Variants in CA12 observed in about 807,000 individuals in gnomAD.
CA12 encodes the protein carbonic anhydrase 12.
Under a neutral mutation model 46.8 loss-of-function variants are expected in CA12, and 36 were observed. The observed-to-expected ratio is 0.77, with a 90% CI of 0.59 to 1.02. The LOEUF is 1.02. Ranked by LOEUF, CA12 falls within the 50% of genes least tolerant of loss-of-function variation. The pLI is 0.00. For missense variants in CA12, 436 were observed against 451.4 expected (o/e 0.97, Z 0.31); for synonymous variants, 202 against 187.0 (o/e 1.08, Z -0.65).
rs1042886647 is a variant in CA12, at chr15:63,329,883, C to T, written c.875-1753G>A. ...AGCTGATTCCCCAGGAGCCATCAGC[C>T]GTGTGCTTTTCCGATTGTCTTTTTC... On this transcript the variant is annotated intron_variant, in intron 8 of 10. Coordinates refer to ENST00000178638, the MANE Select transcript of CA12 (RefSeq NM_001218.5). The surrounding 1 kb of genome is among the most constrained non-coding windows in gnomAD (Gnocchi z 4.8). 2.6e-5 allele frequency among the ~76,000 whole-genome samples: 4 copies of T among 152,212 alleles called. No individual in the cohort carries two copies. The highest frequency in any genetic ancestry group is 6.5e-5 in the Admixed American group (1 of 15,286).
At position 63,340,829 on chromosome 15, in the gene CA12, G is replaced by C. The variant is rs757427796; in HGVS notation, c.526-46C>G. 6.4e-7 allele frequency: 1 copy of C among 1,553,804 alleles called. No individual in the cohort carries two copies. The highest frequency in any genetic ancestry group is 1.1e-5 in the South Asian group (1 of 89,862). On this transcript the variant is annotated intron_variant, in intron 5 of 10. Coordinates refer to ENST00000178638, the MANE Select transcript of CA12 (RefSeq NM_001218.5). This position sits in a 1 kb window ranked among gnomAD's most constrained non-coding sequence, Gnocchi z 4.4. ...GTTAAACTGGGACAGAACAGGATAG[G>C]CTGAGCCAGGATTGACGATTGCTAT...
intron 2 of CA12, among the ~76,000 whole-genome samples, chr15:63,365,553 C>T (rs947860103): frequency 1.2e-4 from 19 of 152,230 alleles, no homozygotes; most frequent in African/African-American, 4.6e-4. Flanking sequence ...TAAGCAATAA[C>T]GGCTGTCTGG....
rs2039608544 is a variant in CA12 at position 63,378,750 on chromosome 15, A to G, written c.85+2886T>C. Reference sequence around the variant, plus strand: ...CCTTAGAGATATAATAAGCCAGATCATTACCTCTTAGCAGGCAGAACAGTT... The same window carrying G: ...CCTTAGAGATATAATAAGCCAGATCGTTACCTCTTAGCAGGCAGAACAGTT... On this transcript the variant is annotated intron_variant, in intron 1 of 10. Transcript: ENST00000178638. The surrounding 1 kb of genome is among the most constrained non-coding windows in gnomAD (Gnocchi z 4.8). 6.6e-6 allele frequency: 1 copy of G among 152,254 alleles called. No homozygotes were observed. The highest frequency in any genetic ancestry group is 2.1e-4 in the South Asian group (1 of 4,832). 9.4% of individuals were successfully genotyped at this position (152,254 alleles called of 1,614,324 possible).
chr15:63,340,259 A>G lies in CA12; in HGVS notation c.747+29T>C. ...TGATGGGGACTGAGGTGCCGCGTGGACTCTGGCTGAGTCTGGCACGACAGT... is the reference window on the plus strand; with the variant it reads ...TGATGGGGACTGAGGTGCCGCGTGGGCTCTGGCTGAGTCTGGCACGACAGT... On this transcript the variant is annotated intron_variant, in intron 7 of 10. Transcript: ENST00000178638. The surrounding 1 kb of genome is among the most constrained non-coding windows in gnomAD (Gnocchi z 4.4). 3.1e-6 allele frequency: 5 copies of G among 1,613,744 alleles called. No individual in the cohort carries two copies. The highest frequency in any genetic ancestry group is 4.2e-6 in the Non-Finnish European group (5 of 1,179,770).
intron 2 of CA12, among the ~76,000 whole-genome samples, chr15:63,350,602 A>G (rs115247895): frequency 2.4e-3 from 367 of 152,316 alleles, no homozygotes; most frequent in African/African-American, 8.6e-3. Context: ...TTCCTGCTCT[A>G]GGCAAAACAG....
rs200984177 is a variant in CA12, at chr15:63,328,710, G to GT, written c.875-581dup. ...AGTTTTTGTTTGTTTGTTTGTTTGT[G>GT]TTTTTTTTGAGACAGAGTCTCGCTC... is the stretch of plus-strand genomic sequence containing the variant. On this transcript the variant is annotated intron_variant, in intron 8 of 10. Coordinates refer to ENST00000178638, the MANE Select transcript of CA12 (RefSeq NM_001218.5). This position sits in a 1 kb window ranked among gnomAD's most constrained non-coding sequence, Gnocchi z 5.9. 1.6e-3 allele frequency among the ~76,000 whole-genome samples: 239 copies of GT among 151,090 alleles called. 1 individual carries two copies. Among genetic ancestry groups the GT allele is most frequent in the Admixed American group, 3.3e-3 (50 of 15,176 alleles).
intron 2 of CA12, among the ~76,000 whole-genome samples, chr15:63,351,774 A>G (rs534297956): frequency 6.6e-6 from 1 of 152,320 alleles, no homozygotes; most frequent in South Asian, 2.1e-4. Flanking sequence ...GGTTGTGCAC[A>G]CTAGCAAGCA....
At chr15:63,360,474 T>C (rs1204715437) in intron 2 of CA12, among the ~76,000 whole-genome samples, 1 of 152,190 alleles carries the variant, frequency 6.6e-6, no homozygotes, top group African/African-American at 2.4e-5. Flanking sequence ...ACAAAACCTG[T>C]CTAGTGTCTC....
intron 2 of CA12, among the ~76,000 whole-genome samples, chr15:63,357,921 T>C (rs958852502): frequency 6.6e-6 from 1 of 152,190 alleles, no homozygotes; most frequent in Admixed American, 6.5e-5. Context: ...AATCATACAA[T>C]ATGTGGTCAA....
rs1210436032 is a variant in CA12, at chr15:63,345,499, C to T, written c.407G>A (p.Ser136Asn). 1.2e-6 allele frequency: 2 copies of T among 1,610,468 alleles called. No homozygotes were observed. Among genetic ancestry groups the T allele is most frequent in the Non-Finnish European group, 8.5e-7 (1 of 1,179,996 alleles). The change falls in exon 4 of 11, where the codon AGC becomes AAC. Residue 136 changes from serine (S) to asparagine (N), a missense_variant. Physicochemically the swap from Ser to Asn is conservative, Grantham distance 46. Transcript: ENST00000178638. The surrounding 1 kb of genome is among the most constrained non-coding windows in gnomAD (Gnocchi z 4.3). ...TACCTCGGCGGCGAAGTGCTGTCCG[C>T]TGACGGTGTGCTCAGAGCCGTGCGG... Reference protein sequence around the residue: ...NDPHGSEHTVSGQHFAAELHI... With the variant: ...NDPHGSEHTVNGQHFAAELHI...
intron 4 of CA12, among the ~76,000 whole-genome samples, chr15:63,343,195 A>G (rs1567044916): frequency 6.7e-6 from 1 of 149,896 alleles, no homozygotes; most frequent in Non-Finnish European, 1.5e-5. Flanking sequence ...GTTTGTCTGT[A>G]CTTTTCTTAT....
intron 2 of CA12, among the ~76,000 whole-genome samples, chr15:63,371,802 CT>C (rs1398129398): frequency 2.0e-5 from 3 of 151,942 alleles, no homozygotes; most frequent in Admixed American, 1.3e-4. Flanking sequence ...TACAGTCATT[CT>C]TTCTGGTTGC....
At position 63,340,332 on chromosome 15, in the gene CA12, G is replaced by A. The variant is rs2039060515; in HGVS notation, c.703C>T (p.Leu235Phe). 3 of 1,614,082 alleles carry A rather than the reference G, an allele frequency of 1.9e-6. No individual in the cohort carries two copies. Among genetic ancestry groups the A allele is most frequent in the Admixed American group, 3.3e-5 (2 of 60,008 alleles). Residue 235 changes from leucine (L) to phenylalanine (F), a missense_variant, in exon 7 of 11, where the codon CTC (leucine) becomes TTC (phenylalanine). Coordinates refer to ENST00000178638, the MANE Select transcript of CA12 (RefSeq NM_001218.5). This position sits in a 1 kb window ranked among gnomAD's most constrained non-coding sequence, Gnocchi z 4.4. ...LTTPPCNPTV[L>F]WTVFRNPVQI... ...ACGGGGTTTCGGAAAACTGTCCAGAGCACAGTGGGGTTGCAAGGGGGTGTG... is the reference window on the plus strand; with the variant it reads ...ACGGGGTTTCGGAAAACTGTCCAGAACACAGTGGGGTTGCAAGGGGGTGTG...
At chr15:63,367,053 C>G (rs571044844) in intron 2 of CA12, among the ~76,000 whole-genome samples, 15 of 74 alleles carry the variant, frequency 0.2, 1 homozygote, top group East Asian at 0.5. Context: ...TCCCAAGTAG[C>G]TGAGACTACC....
intron 2 of CA12, among the ~76,000 whole-genome samples, chr15:63,358,772 C>T (rs887923247): frequency 3.9e-5 from 6 of 152,152 alleles, no homozygotes; most frequent in South Asian, 2.1e-4. Context: ...CTTGTCTCCT[C>T]GGCCGAGCAT....
intron 8 of CA12, among the ~76,000 whole-genome samples, chr15:63,338,102 A>G (rs2039025758): frequency 6.6e-6 from 1 of 152,208 alleles, no homozygotes; most frequent in Non-Finnish European, 1.5e-5. Context: ...GTAGGCACTG[A>G]GCAAGGAAAA....
chr15:63,376,184 C>G (rs2039568273), intron 1 of CA12, among the ~76,000 whole-genome samples: 1 of 152,190 alleles, frequency 6.6e-6, no homozygotes, highest in Non-Finnish European at 1.5e-5. Flanking sequence ...GCAGCACAGG[C>G]AGTTGGTTCA....
Position 63,324,689 on chromosome 15 carries a change from T to TTTC in CA12, c.*1595_*1596insGAA, listed in dbSNP as rs2038843026. 1.5e-5 allele frequency: 2 copies of TTTC among 134,518 alleles called. No homozygotes were observed. Among genetic ancestry groups the TTTC allele is most frequent in the Non-Finnish European group, 3.3e-5 (2 of 60,046 alleles). The allele number at this position is 134,518 out of a possible 1,614,324, so 8.3% of individuals were successfully genotyped here. A position where few individuals can be genotyped will look rare whatever the true frequency, so the allele number is the denominator to read the frequency against. On this transcript the variant is annotated 3_prime_UTR_variant, in exon 11 of 11. Coordinates refer to ENST00000178638, the MANE Select transcript of CA12 (RefSeq NM_001218.5). ...AAAAGTTGTGATGGTACAGAATAAT[T>TTTC]TTTTTTTTTTTTTTTTTGAGATGGA...
At position 63,329,533 on chromosome 15, in the gene CA12, T is replaced by TA. The variant is rs2038909413; in HGVS notation, c.875-1404dup. Among the ~76,000 whole-genome samples, 1 of 151,940 alleles carries TA rather than the reference T, an allele frequency of 6.6e-6. No homozygotes were observed. The highest frequency in any genetic ancestry group is 1.5e-5 in the Non-Finnish European group (1 of 67,930). On this transcript the variant is annotated intron_variant, in intron 8 of 10. Coordinates refer to ENST00000178638, the MANE Select transcript of CA12 (RefSeq NM_001218.5). This position sits in a 1 kb window ranked among gnomAD's most constrained non-coding sequence, Gnocchi z 4.8. ...TCTAAAGAAAGTGTAGATTTACAGG[T>TA]ACCCTTCTGTCTGGTGGTTTTCTCA... is the stretch of plus-strand genomic sequence containing the variant.
Sources: gnomAD v4.1 joint callset for allele counts (sites outside exome capture counted in the v4.1 genomes callset) on GRCh38, gnomAD v4.1.1 for gene constraint, Gnocchi (gnomAD v3.1) non-coding constraint, MANE v1.5 for transcripts, NCBI Gene and HGNC (gene_info 2026-07-23, HGNC 2026-07-21) for gene names.